Variants in CFAP61 observed in about 807,000 individuals in gnomAD.
The protein encoded by CFAP61 is cilia and flagella associated protein 61.
A neutral mutation model predicts 135.6 loss-of-function variants in CFAP61; 107 were observed. That is an observed-to-expected ratio of 0.79 (90% CI 0.67 to 0.93). The LOEUF is 0.93. CFAP61 is among the 40% of genes least tolerant of loss of function. The probability of loss-of-function intolerance (pLI) is 0.00; values close to 1 mark genes in which losing one functional copy is unlikely to be tolerated. For missense variants in CFAP61, 1,507 were observed against 1,556.2 expected (o/e 0.97, Z 0.53); for synonymous variants, 575 against 578.5 (o/e 0.99, Z 0.09).
intron 22 of CFAP61, among the ~76,000 whole-genome samples, chr20:20,285,480 T>A (rs2054514718): frequency 6.6e-6 from 1 of 152,174 alleles, no homozygotes; most frequent in African/African-American, 2.4e-5. Flanking sequence ...CTCTGTTTTT[T>A]CAGTCTCTTT....
intron 18 of CFAP61, among the ~76,000 whole-genome samples, chr20:20,243,758 T>C (rs1013943591): frequency 2.6e-5 from 4 of 152,116 alleles, no homozygotes; most frequent in Non-Finnish European, 4.4e-5. Flanking sequence ...TAAATCATTA[T>C]AGCATTAACT....
At chr20:20,187,819 C>A in intron 13 of CFAP61, 111 bp from the exon 14 acceptor site, 1 of 809,626 alleles carries the variant, frequency 1.2e-6, no homozygotes, top group Non-Finnish European at 2.0e-6. Flanking sequence ...TATAAACATA[C>A]TTTACTGGAT....
intron 21 of CFAP61, among the ~76,000 whole-genome samples, chr20:20,264,692 G>A (rs1055505867): frequency 5.3e-5 from 8 of 152,130 alleles, no homozygotes; most frequent in Admixed American, 5.2e-4. Flanking sequence ...AGGAGTTTGA[G>A]ACCAGCCTGG....
intron 15 of CFAP61, among the ~76,000 whole-genome samples, chr20:20,191,638 G>T (rs1569100998): frequency 6.6e-6 from 1 of 152,002 alleles, no homozygotes; most frequent in African/African-American, 2.4e-5. Flanking sequence ...AAGACCACAT[G>T]AAAACATTCT....
intron 9 of CFAP61, among the ~76,000 whole-genome samples, chr20:20,152,914 A>T (rs79424768): frequency 0.13 from 19,511 of 152,168 alleles, 1,418 homozygotes; most frequent in Non-Finnish European, 0.15. Flanking sequence ...CAACTGCAGA[A>T]TATACATTCT....
intron 8 of CFAP61, among the ~76,000 whole-genome samples, chr20:20,135,265 A>G (rs567715881): frequency 6.6e-6 from 1 of 152,312 alleles, no homozygotes; most frequent in South Asian, 2.1e-4. Flanking sequence ...ATTTCAGCCC[A>G]GGGATACTGA....
intron 8 of CFAP61, among the ~76,000 whole-genome samples, chr20:20,134,794 A>T (rs1202764720): frequency 2.0e-5 from 3 of 152,156 alleles, no homozygotes; most frequent in Admixed American, 2.0e-4. Context: ...TTTGATGAAG[A>T]TGCTGAGATG....
intron 18 of CFAP61, among the ~76,000 whole-genome samples, chr20:20,229,966 T>C (rs917150557): frequency 6.6e-6 from 1 of 152,234 alleles, no homozygotes; most frequent in Non-Finnish European, 1.5e-5. Flanking sequence ...GAACAGCAAG[T>C]TTTATGCAAC....
intron 9 of CFAP61, among the ~76,000 whole-genome samples, chr20:20,158,824 A>G (rs1340838625): frequency 5.9e-5 from 9 of 152,138 alleles, no homozygotes; most frequent in Admixed American, 5.9e-4. Flanking sequence ...GATCACAGTG[A>G]TATTTTTATG....
At chr20:20,159,823 G>A (rs534880966) in intron 10 of CFAP61, among the ~76,000 whole-genome samples, 9 of 152,326 alleles carry the variant, frequency 5.9e-5, no homozygotes, top group South Asian at 2.1e-4. Flanking sequence ...ACTTCTGTCC[G>A]TGTCTAGGTG....
intron 13 of CFAP61, among the ~76,000 whole-genome samples, chr20:20,178,758 G>A (rs868117830): frequency 5.9e-5 from 9 of 152,008 alleles, no homozygotes; most frequent in Non-Finnish European, 1.2e-4. Context: ...TTTCAGGCCC[G>A]TGTTATTGTG....
intron 7 of CFAP61, chr20:20,095,653 C>T (rs1004305030): frequency 1.3e-5 from 2 of 152,438 alleles, no homozygotes; most frequent in Non-Finnish European, 1.5e-5. Context: ...AGCGGCGGCT[C>T]CTAGTGACAG....
At chr20:20,207,954 T>C (rs1458665645) in intron 17 of CFAP61, among the ~76,000 whole-genome samples, 2 of 152,192 alleles carry the variant, frequency 1.3e-5, no homozygotes, top group East Asian at 3.9e-4. Context: ...TATTTACTTG[T>C]TACTAAGTAT....
intron 13 of CFAP61, among the ~76,000 whole-genome samples, chr20:20,182,134 T>A (rs1217711923): frequency 1.3e-5 from 2 of 152,214 alleles, no homozygotes; most frequent in Non-Finnish European, 2.9e-5. Flanking sequence ...GGTATCATTT[T>A]ATAAACCCTC....
At chr20:20,166,253 C>G (rs1601110798) in intron 11 of CFAP61, 144 bp from the exon 12 acceptor site, 3 of 651,264 alleles carry the variant, frequency 4.6e-6, no homozygotes, top group East Asian at 2.7e-5. Flanking sequence ...CTTATGCACC[C>G]CATTAGTGTT....
At chr20:20,071,582 A>G (rs1247072412) in intron 3 of CFAP61, among the ~76,000 whole-genome samples, 2 of 152,206 alleles carry the variant, frequency 1.3e-5, no homozygotes, top group African/African-American at 2.4e-5. Context: ...GAGCCAGGCC[A>G]GAGACAGGCC....
chr20:20,059,666 T>C (rs2044654503), intron 2 of CFAP61, among the ~76,000 whole-genome samples: 1 of 151,936 alleles, frequency 6.6e-6, no homozygotes, highest in Non-Finnish European at 1.5e-5. Context: ...TGAATAATCA[T>C]GTTTAAACAA....
intron 6 of CFAP61, among the ~76,000 whole-genome samples, chr20:20,086,584 C>T (rs1910327492): frequency 6.6e-6 from 1 of 151,972 alleles, no homozygotes; most frequent in South Asian, 2.1e-4. Flanking sequence ...AGCATGGGAC[C>T]ATAGGTTCAG....
At chr20:20,258,577 G>A (rs571950421) in intron 20 of CFAP61, 7 of 152,284 alleles carry the variant, frequency 4.6e-5, no homozygotes, top group South Asian at 2.1e-4. Context: ...TATGGAGAGC[G>A]AAATTAGTCT....
Sources: gnomAD v4.1 joint callset for allele counts (sites outside exome capture counted in the v4.1 genomes callset) on GRCh38, gnomAD v4.1.1 for gene constraint, MANE v1.5 for transcripts, NCBI Gene and HGNC (gene_info 2026-07-23, HGNC 2026-07-21) for gene names.